The following LRP1B variants were observed in gnomAD, a reference collection of about 807,000 sequenced individuals.
LRP1B encodes the protein LDL receptor related protein 1B.
A neutral mutation model predicts 556.6 loss-of-function variants in LRP1B; 217 were observed. That is an observed-to-expected ratio of 0.39 (90% CI 0.35 to 0.44). The LOEUF is 0.44. Ranked by LOEUF, LRP1B falls within the 20% of genes least tolerant of loss-of-function variation. The probability of loss-of-function intolerance (pLI) is 1.00; values close to 1 mark genes in which losing one functional copy is unlikely to be tolerated. For missense variants in LRP1B, 5,053 were observed against 5,620.8 expected (o/e 0.90, Z 3.23); for synonymous variants, 2,047 against 1,865.8 (o/e 1.10, Z -2.50).
intron 1 of LRP1B, among the ~76,000 whole-genome samples, chr2:141,987,224 G>A (rs754799239): frequency 5.3e-5 from 8 of 151,762 alleles, no homozygotes; most frequent in Middle Eastern, 3.2e-3. Flanking sequence ...ACTATTACAC[G>A]GATCAAGTAA....
At chr2:140,690,134 G>GA (rs754147565) in intron 41 of LRP1B, among the ~76,000 whole-genome samples, 91 of 148,582 alleles carry the variant, frequency 6.1e-4, no homozygotes, top group South Asian at 1.5e-3. Context: ...TCTCAGACCT[G>GA]AAAAAAAAAC....
intron 1 of LRP1B, among the ~76,000 whole-genome samples, chr2:142,046,868 G>C (rs1704277848): frequency 6.6e-6 from 1 of 151,844 alleles, no homozygotes; most frequent in Non-Finnish European, 1.5e-5. Flanking sequence ...TTTGGAAATG[G>C]AATTATAAAT....
intron 41 of LRP1B, among the ~76,000 whole-genome samples, chr2:140,640,797 T>C (rs928021499): frequency 7.2e-5 from 11 of 152,188 alleles, no homozygotes; most frequent in Admixed American, 1.3e-4. Flanking sequence ...ATTAGGGAGA[T>C]GTGCACTGAT....
At position 141,329,426 on chromosome 2, in the gene LRP1B, C is replaced by T. The variant is rs574783512; in HGVS notation, c.344-74785G>A. On this transcript the variant is annotated intron_variant, in intron 3 of 90. Transcript: ENST00000389484. ...AAGGGAGGCCGAGGCTGGTGGATCCCGAGGTCAGGAGATCGAGACCATCCT... is the reference window on the plus strand; with the variant it reads ...AAGGGAGGCCGAGGCTGGTGGATCCTGAGGTCAGGAGATCGAGACCATCCT... Among the ~76,000 whole-genome samples the T allele has an allele frequency of 1.6e-4, 24 of 147,592 alleles. 1 individual carries two copies. The highest frequency in any genetic ancestry group is 4.7e-4 in the Admixed American group (7 of 14,900).
intron 69 of LRP1B, among the ~76,000 whole-genome samples, chr2:140,372,318 G>A: frequency 6.6e-6 from 1 of 152,018 alleles, no homozygotes; most frequent in Non-Finnish European, 1.5e-5. Flanking sequence ...CCATGGACAT[G>A]GTACTGGGGC....
intron 3 of LRP1B, among the ~76,000 whole-genome samples, chr2:141,452,743 T>G (rs1461799483): frequency 6.6e-6 from 1 of 152,192 alleles, no homozygotes; most frequent in Non-Finnish European, 1.5e-5. Flanking sequence ...CCCTGGATGA[T>G]AAACCAAGGT....
At chr2:141,605,684 G>T (rs1250047107) in intron 2 of LRP1B, among the ~76,000 whole-genome samples, 1 of 152,176 alleles carries the variant, frequency 6.6e-6, no homozygotes, top group Non-Finnish European at 1.5e-5. Flanking sequence ...TTCTGCTGCT[G>T]TTACTGCTAA....
At chr2:141,258,111 A>G (rs561313663) in intron 3 of LRP1B, among the ~76,000 whole-genome samples, 1 of 152,354 alleles carries the variant, frequency 6.6e-6, no homozygotes, top group South Asian at 2.1e-4. Context: ...CAAATATGCA[A>G]GTGAGAACAC....
At chr2:140,425,053 G>GTT (rs374064736) in intron 66 of LRP1B, among the ~76,000 whole-genome samples, 3 of 147,294 alleles carry the variant, frequency 2.0e-5, no homozygotes, top group Non-Finnish European at 4.5e-5. Flanking sequence ...TTGGAGGGAC[G>GTT]TTTTTTTTTT....
At chr2:141,098,871 G>A (rs1356263932) in intron 7 of LRP1B, among the ~76,000 whole-genome samples, 10 of 152,098 alleles carry the variant, frequency 6.6e-5, no homozygotes, top group Admixed American at 6.5e-4. Context: ...TGGTCAGGCT[G>A]GTCTTGAACT....
intron 1 of LRP1B, among the ~76,000 whole-genome samples, chr2:141,840,257 CTTTTTTTTTTTT>C (rs565362139): frequency 1.7e-3 from 147 of 84,244 alleles, no homozygotes; most frequent in Middle Eastern, 0.012. Context: ...AACAAATTTC[CTTTTTTTTTTTT>C]TTTTTTTTTT....
chr2:141,182,447 A>C (rs1681045940), intron 7 of LRP1B, among the ~76,000 whole-genome samples: 1 of 152,004 alleles, frequency 6.6e-6, no homozygotes, highest in Admixed American at 6.6e-5. Context: ...GAGGTCAGCT[A>C]ATCTGAGTAC....
intron 7 of LRP1B, among the ~76,000 whole-genome samples, chr2:141,129,574 G>T (rs1701298257): frequency 6.6e-6 from 1 of 151,416 alleles, no homozygotes. Context: ...AGTGTGTGTG[G>T]GGGGAGGGGC....
At chr2:140,401,090 AT>A (rs1276210182) in intron 66 of LRP1B, among the ~76,000 whole-genome samples, 1 of 152,118 alleles carries the variant, frequency 6.6e-6, no homozygotes, top group African/African-American at 2.4e-5. Flanking sequence ...TCCGAACTGA[AT>A]TTGGTAATGT....
intron 1 of LRP1B, among the ~76,000 whole-genome samples, chr2:142,106,518 C>A (rs907689410): frequency 6.6e-6 from 1 of 152,112 alleles, no homozygotes; most frequent in Non-Finnish European, 1.5e-5. Context: ...TGAACACAAA[C>A]CTAAATCTTT....
chr2:140,852,056 G>A (rs112642126), intron 27 of LRP1B, among the ~76,000 whole-genome samples: 1 of 152,196 alleles, frequency 6.6e-6, no homozygotes. Flanking sequence ...GGCCGGATGT[G>A]GTTGCTCACG....
intron 1 of LRP1B, among the ~76,000 whole-genome samples, chr2:141,959,600 T>G (rs987596114): frequency 5.3e-5 from 8 of 151,912 alleles, no homozygotes; most frequent in African/African-American, 1.9e-4. Context: ...AACTTTACAT[T>G]TTCTGAAATT....
At chr2:142,093,433 C>T (rs983691501) in intron 1 of LRP1B, among the ~76,000 whole-genome samples, 2 of 152,104 alleles carry the variant, frequency 1.3e-5, no homozygotes, top group Non-Finnish European at 2.9e-5. Context: ...GGAGAGTTAG[C>T]TCCTTTCTAT....
At chr2:140,616,390 C>T (rs1185672833) in intron 41 of LRP1B, among the ~76,000 whole-genome samples, 3 of 151,626 alleles carry the variant, frequency 2.0e-5, no homozygotes, top group Admixed American at 6.6e-5. Context: ...CAATTTAAAT[C>T]GTCTCCTTAT....
Sources: gnomAD v4.1 joint callset for allele counts (sites outside exome capture counted in the v4.1 genomes callset) on GRCh38, gnomAD v4.1.1 for gene constraint, MANE v1.5 for transcripts, NCBI Gene and HGNC (gene_info 2026-07-23, HGNC 2026-07-21) for gene names.